The following BMP7 variants were observed in gnomAD, a reference collection of about 807,000 sequenced individuals.
BMP7 encodes bone morphogenetic protein 7.
BMP7 carries 12 observed loss-of-function variants against 41.2 expected under a neutral mutation model. That is an observed-to-expected ratio of 0.29 (90% confidence interval 0.19 to 0.47). The LOEUF (loss-of-function observed/expected upper bound fraction) is 0.47, where lower values mean the gene tolerates loss of function less well. BMP7 is among the 20% of genes least tolerant of loss of function. BMP7 has a pLI of 0.99. For missense variants in BMP7, 467 were observed against 606.0 expected (o/e 0.77, Z 2.41); for synonymous variants, 248 against 250.0 (o/e 0.99, Z 0.07).
At chr20:57,256,350 G>A (rs370611554) in intron 1 of BMP7, among the ~76,000 whole-genome samples, 7 of 152,330 alleles carry the variant, frequency 4.6e-5, no homozygotes, top group African/African-American at 1.4e-4. Context: ...CCACATTTCT[G>A]TCTTTGAATC....
intron 1 of BMP7, among the ~76,000 whole-genome samples, chr20:57,244,547 G>A (rs565543343): frequency 2.6e-5 from 4 of 152,352 alleles, no homozygotes; most frequent in East Asian, 3.9e-4. Context: ...TGGTTCACAC[G>A]CAGGCTCTGC....
intron 1 of BMP7, among the ~76,000 whole-genome samples, chr20:57,242,400 C>A (rs1303421350): frequency 1.3e-5 from 2 of 152,224 alleles, no homozygotes; most frequent in African/African-American, 4.8e-5. Context: ...TTGGCCTCAT[C>A]TGAGCTGTGA....
chr20:57,231,911 C>T (rs910154675), intron 1 of BMP7, among the ~76,000 whole-genome samples: 1 of 152,212 alleles, frequency 6.6e-6, no homozygotes, highest in Admixed American at 6.5e-5. Context: ...AAGTACAAAG[C>T]ACATGTTTGC....
chr20:57,173,460 G>A, intron 5 of BMP7, 150 bp from the exon 6 acceptor site: 1 of 765,956 alleles, frequency 1.3e-6, no homozygotes, highest in Non-Finnish European at 2.2e-6. Flanking sequence ...GGGCCCAGCA[G>A]GGGCAGGAAA....
chr20:57,256,484 G>T (rs1435212576), intron 1 of BMP7, among the ~76,000 whole-genome samples: 1 of 152,212 alleles, frequency 6.6e-6, no homozygotes, highest in Admixed American at 6.5e-5. Context: ...CTTGGGTCAG[G>T]TTTGGCCACA....
In BMP7 at chr20:57,258,847, T is replaced by C. The variant is rs116546308; in HGVS notation, c.418+6858A>G. 3.9e-3 allele frequency among the ~76,000 whole-genome samples: 597 copies of C among 152,316 alleles called. 2 individuals carry two copies. The highest frequency in any genetic ancestry group is 0.014 in the African/African-American group (568 of 41,576). On this transcript the variant is annotated intron_variant, in intron 1 of 6. Transcript: ENST00000395863. ...ATTTTAAGATTAAGTACTTAAAAAC[T>C]GAAATTTGGACTAATATACCAACGT... is the stretch of plus-strand genomic sequence containing the variant.
At chr20:57,188,727 T>C (rs1984279504) in intron 3 of BMP7, among the ~76,000 whole-genome samples, 1 of 152,170 alleles carries the variant, frequency 6.6e-6, no homozygotes, top group Non-Finnish European at 1.5e-5. Context: ...TACCGCAGTG[T>C]CTGGCTGTTT....
chr20:57,248,783 TTTTTGTTTTG>T (rs149345309), intron 1 of BMP7, among the ~76,000 whole-genome samples: 26,128 of 151,404 alleles, frequency 0.17, 2,414 homozygotes, highest in Non-Finnish European at 0.2. Flanking sequence ...GAGTTTTTTG[TTTTTGTTTTG>T]TTTTGTTTTG....
intron 4 of BMP7, among the ~76,000 whole-genome samples, chr20:57,178,403 A>G (rs940687898): frequency 1.3e-5 from 2 of 152,058 alleles, no homozygotes; most frequent in Non-Finnish European, 2.9e-5. Context: ...GAGTGGATGG[A>G]GGCAGCCAGG....
In BMP7 at chr20:57,169,312, C is replaced by G. The variant is rs1437197841; in HGVS notation, c.*1647G>C. 4 of 152,264 alleles carry G rather than the reference C, an allele frequency of 2.6e-5. No individual in the cohort carries two copies. Among genetic ancestry groups the G allele is most frequent in the Non-Finnish European group, 5.9e-5 (4 of 68,052 alleles). 9.4% of individuals were successfully genotyped at this position (152,264 alleles called of 1,614,324 possible). A position where few individuals can be genotyped will look rare whatever the true frequency, so the allele number is the denominator to read the frequency against. ...CCACAGTTTTCGATCACCTTGTTTT[C>G]TTTACAGATGCAGAAAACGTTTGCA... On this transcript the variant is annotated 3_prime_UTR_variant, in exon 7 of 7. Transcript: ENST00000395863.
In BMP7 at chr20:57,214,268, C is replaced by T. The variant is rs1331070520; in HGVS notation, c.612-11645G>A. 1.3e-5 allele frequency among the ~76,000 whole-genome samples: 2 copies of T among 152,166 alleles called. No homozygotes were observed. Among genetic ancestry groups the T allele is most frequent in the Non-Finnish European group, 2.9e-5 (2 of 68,034 alleles). On this transcript the variant is annotated intron_variant, in intron 2 of 6. Transcript: ENST00000395863. The surrounding 1 kb of genome is among the most constrained non-coding windows in gnomAD (Gnocchi z 4.0). ...GAGGGAGAGCTACCACCCAGAGAAC[C>T]CGGGGGTTCCCCTTCCACTCTTCTC...
chr20:57,234,282 C>A (rs2066039763), intron 1 of BMP7, among the ~76,000 whole-genome samples: 1 of 152,186 alleles, frequency 6.6e-6, no homozygotes, highest in Non-Finnish European at 1.5e-5. Context: ...TATGAAAGAG[C>A]CCCTGTTCGC....
chr20:57,238,781 A>AC (rs1432113619), intron 1 of BMP7, among the ~76,000 whole-genome samples: 1 of 152,180 alleles, frequency 6.6e-6, no homozygotes, highest in Non-Finnish European at 1.5e-5. Context: ...GGCAAAAGGC[A>AC]CTTCTTACAT....
At chr20:57,173,778 C>A (rs1338901371) in intron 5 of BMP7, among the ~76,000 whole-genome samples, 1 of 152,214 alleles carries the variant, frequency 6.6e-6, no homozygotes, top group Non-Finnish European at 1.5e-5. Flanking sequence ...GCTCTACCCC[C>A]ACTAGGTGGT....
At chr20:57,184,474 G>C (rs1052634504) in intron 3 of BMP7, among the ~76,000 whole-genome samples, 1 of 152,114 alleles carries the variant, frequency 6.6e-6, no homozygotes, top group Non-Finnish European at 1.5e-5. Context: ...AGCAAGGAGG[G>C]TGTGTTCAAG....
chr20:57,260,817 G>C (rs1252133733), intron 1 of BMP7, among the ~76,000 whole-genome samples: 3 of 152,210 alleles, frequency 2.0e-5, no homozygotes, highest in Non-Finnish European at 4.4e-5. Context: ...CCTTGCAGTG[G>C]CTTGCCAAGA....
intron 5 of BMP7, 80 bp from the exon 6 acceptor site, chr20:57,173,390 C>T: frequency 7.2e-7 from 1 of 1,385,362 alleles, no homozygotes. Context: ...GGCCAGAAAC[C>T]ACCACGCCAG....
chr20:57,251,547 C>T lies in BMP7; in HGVS notation c.418+14158G>A, dbSNP rs551426149. Reference sequence around the variant, plus strand: ...GGGACATCCTTTAACCTACAGCTTTCGCAGACTCAGAGGAGCTCCAGTGAA... The same window carrying T: ...GGGACATCCTTTAACCTACAGCTTTTGCAGACTCAGAGGAGCTCCAGTGAA... On this transcript the variant is annotated intron_variant, in intron 1 of 6. Coordinates refer to ENST00000395863, the MANE Select transcript of BMP7 (RefSeq NM_001719.3). Among the ~76,000 whole-genome samples the T allele has an allele frequency of 4.6e-5, 7 of 152,308 alleles. No individual in the cohort carries two copies. In the South Asian group the frequency reaches 6.2e-4, roughly 14 times the overall value.
At position 57,214,635 on chromosome 20, in the gene BMP7, C is replaced by G. The variant is rs1453625532; in HGVS notation, c.612-12012G>C. Reference sequence around the variant, plus strand: ...TGCAACACTGTTCCCTGCCTTTTCACCTCCCTCACACCTGCCTGTTCTTGA... The same window carrying G: ...TGCAACACTGTTCCCTGCCTTTTCAGCTCCCTCACACCTGCCTGTTCTTGA... On this transcript the variant is annotated intron_variant, in intron 2 of 6. Transcript: ENST00000395863. The surrounding 1 kb of genome is among the most constrained non-coding windows in gnomAD (Gnocchi z 4.0). Among the ~76,000 whole-genome samples the G allele has an allele frequency of 1.3e-5, 2 of 152,168 alleles. No homozygotes were observed. The highest frequency in any genetic ancestry group is 2.4e-5 in the African/African-American group (1 of 41,436).
Sources: allele counts gnomAD v4.1 joint callset (sites outside exome capture counted in the v4.1 genomes callset), GRCh38; gene constraint gnomAD v4.1.1; non-coding constraint Gnocchi (gnomAD v3.1); transcripts MANE v1.5; gene names NCBI Gene and HGNC (gene_info 2026-07-23, HGNC 2026-07-21).